ITGA1: variants seen among roughly 807,000 people sequenced by gnomAD.
The protein encoded by ITGA1 is integrin alpha-1.
ITGA1 carries 85 observed loss-of-function variants against 145.9 expected under a neutral mutation model. The ratio of observed to expected loss-of-function variants is 0.58; its 90% CI spans 0.49 to 0.70. The LOEUF is 0.70. Ranked by LOEUF, ITGA1 falls within the 30% of genes least tolerant of loss-of-function variation. The pLI is 0.00. For synonymous variants in ITGA1, 520 were observed against 495.3 expected (o/e 1.05, Z -0.66); for missense variants, 1,351 against 1,418.7 (o/e 0.95, Z 0.77).
chr5:52,862,377 C>A (rs1269864565), intron 3 of ITGA1, among the ~76,000 whole-genome samples: 1 of 152,006 alleles, frequency 6.6e-6, no homozygotes, highest in African/African-American at 2.4e-5. Flanking sequence ...AATCTATAAT[C>A]ATTTTTCTAT....
chr5:52,843,774 G>T (rs1749293371), intron 1 of ITGA1, among the ~76,000 whole-genome samples: 1 of 151,948 alleles, frequency 6.6e-6, no homozygotes, highest in South Asian at 2.1e-4. Flanking sequence ...CCTATGATTT[G>T]GCCTCATAAG....
intron 24 of ITGA1, among the ~76,000 whole-genome samples, chr5:52,938,699 A>G (rs759454530): frequency 2.7e-4 from 41 of 152,164 alleles, no homozygotes; most frequent in Non-Finnish European, 5.7e-4. Flanking sequence ...AGAACCAGCT[A>G]TCTTATAAAT....
chr5:52,801,459 C>T, intron 1 of ITGA1: 1 of 1,614,064 alleles, frequency 6.2e-7, no homozygotes, highest in South Asian at 1.1e-5. Context: ...CCCTTTGTGA[C>T]CCTACTGTGG....
chr5:52,898,574 G>C (rs1178677403), intron 11 of ITGA1, among the ~76,000 whole-genome samples, 191 bp downstream of exon 11: 2 of 152,062 alleles, frequency 1.3e-5, no homozygotes, highest in African/African-American at 4.8e-5. Context: ...ACATACATGG[G>C]GGTCCTTTTT....
chr5:52,798,278 G>A (rs373635841), intron 1 of ITGA1, among the ~76,000 whole-genome samples: 1 of 152,140 alleles, frequency 6.6e-6, no homozygotes, highest in East Asian at 1.9e-4. Context: ...GAAGAAGGAG[G>A]AAGTAAGGGG....
intron 1 of ITGA1, among the ~76,000 whole-genome samples, chr5:52,809,930 A>G (rs1339489344): frequency 1.3e-5 from 2 of 152,160 alleles, no homozygotes; most frequent in Non-Finnish European, 2.9e-5. Flanking sequence ...AGGAGATTCC[A>G]TTACCTCCTA....
At chr5:52,834,768 C>T (rs1233298574) in intron 1 of ITGA1, among the ~76,000 whole-genome samples, 1 of 151,964 alleles carries the variant, frequency 6.6e-6, no homozygotes, top group Non-Finnish European at 1.5e-5. Context: ...ATTATAAGGA[C>T]AATGGTCCTA....
intron 9 of ITGA1, 109 bp downstream of exon 9, chr5:52,893,949 T>TAC (rs1750188702): frequency 1.3e-6 from 1 of 749,976 alleles, no homozygotes; most frequent in African/African-American, 1.8e-5. Flanking sequence ...TTTTTTTTTT[T>TAC]ACTGTGTACA....
At chr5:52,814,431 G>A (rs550935010) in intron 1 of ITGA1, among the ~76,000 whole-genome samples, 4 of 152,166 alleles carry the variant, frequency 2.6e-5, no homozygotes, top group South Asian at 4.2e-4. Flanking sequence ...AGCACTGTGC[G>A]AGCCCACAAT....
intron 1 of ITGA1, among the ~76,000 whole-genome samples, chr5:52,790,101 T>C (rs1748209658): frequency 6.6e-6 from 1 of 152,224 alleles, no homozygotes; most frequent in South Asian, 2.1e-4. Flanking sequence ...TGGAAACTTC[T>C]CATCAATTCA....
rs528113859 is a variant in ITGA1 at position 52,955,889 on chromosome 5, A to G, written c.*3438A>G. 6.6e-6 allele frequency: 1 copy of G among 152,166 alleles called. No individual in the cohort carries two copies. The highest frequency in any genetic ancestry group is 1.9e-4 in the East Asian group (1 of 5,182). The allele number at this position is 152,166 out of a possible 1,614,324, so 9.4% of individuals were successfully genotyped here. On this transcript the variant is annotated 3_prime_UTR_variant, in exon 29 of 29. Coordinates refer to ENST00000282588, the MANE Select transcript of ITGA1 (RefSeq NM_181501.2). ...TGTAGTAAACAGATATTTTTACAAA[A>G]TTTGATGCTTCTGCAACCATAATAA...
chr5:52,814,932 A>G (rs1486920025), intron 1 of ITGA1, among the ~76,000 whole-genome samples: 1 of 152,150 alleles, frequency 6.6e-6, no homozygotes, highest in Non-Finnish European at 1.5e-5. Context: ...ACCTCAGGCC[A>G]CTTATATCTC....
rs749415787 is a variant in ITGA1, at chr5:52,881,966, A to G, written c.718A>G (p.Ile240Val). ...TEEVLVAAKK[I>V]VQRGGRQTMT... Reference sequence around the variant, plus strand: ...AGAGGTACTTGTTGCAGCAAAGAAAATAGTCCAGAGAGGTGGCCGCCAGAC... The same window carrying G: ...AGAGGTACTTGTTGCAGCAAAGAAAGTAGTCCAGAGAGGTGGCCGCCAGAC... The change falls in exon 7 of 29, where the codon ATA becomes GTA. Residue 240 changes from isoleucine (I) to valine (V), a missense_variant. Physicochemically the swap from Ile to Val is conservative, Grantham distance 29. Transcript: ENST00000282588. 4.3e-6 allele frequency: 7 copies of G among 1,613,996 alleles called. No homozygotes were observed. The South Asian group carries it at 7.7e-5, about 18-fold the overall frequency.
chr5:52,883,954 C>A (rs939699053), intron 7 of ITGA1, among the ~76,000 whole-genome samples: 6 of 152,084 alleles, frequency 3.9e-5, no homozygotes, highest in Non-Finnish European at 8.8e-5. Context: ...TTATGAAAGG[C>A]CTTTTAATCA....
chr5:52,933,563 C>A (rs111575943), intron 22 of ITGA1: 9,712 of 158,176 alleles, frequency 0.061, 787 homozygotes, highest in African/African-American at 0.19. Context: ...TTCAGCATTA[C>A]ATTTTAGTTT....
Position 52,939,929 on chromosome 5 carries a change from A to C in ITGA1, c.3270A>C (p.Lys1090Asn). The C allele has an allele frequency of 4.4e-6, 7 of 1,589,460 alleles. No individual in the cohort carries two copies. Among genetic ancestry groups the C allele is most frequent in the Non-Finnish European group, 6.0e-6 (7 of 1,157,598 alleles). The change falls in exon 26 of 29, where the codon AAA becomes AAC. Residue 1090 changes from lysine (K) to asparagine (N), a missense_variant. Coordinates refer to ENST00000282588, the MANE Select transcript of ITGA1 (RefSeq NM_181501.2). ...TCAATGTTTCGCTTATCTTGTGGAA[A>C]CCAACTTTTATAAAAGTAAGTAAAT... Reference protein sequence around the residue: ...SQVNVSLILWKPTFIKSYFSS... With the variant: ...SQVNVSLILWNPTFIKSYFSS...
intron 6 of ITGA1, among the ~76,000 whole-genome samples, chr5:52,868,468 G>A (rs1340476731): frequency 6.6e-6 from 1 of 152,130 alleles, no homozygotes; most frequent in South Asian, 2.1e-4. Context: ...TTTTCAGTTA[G>A]AACTATAATT....
intron 26 of ITGA1, among the ~76,000 whole-genome samples, chr5:52,940,361 G>T (rs1471599812): frequency 6.6e-6 from 1 of 151,406 alleles, no homozygotes; most frequent in African/African-American, 2.4e-5. Context: ...TTATCAGACT[G>T]TTATTATATG....
chr5:52,805,088 G>A (rs1748564017), intron 1 of ITGA1, among the ~76,000 whole-genome samples: 1 of 152,138 alleles, frequency 6.6e-6, no homozygotes, highest in Admixed American at 6.5e-5. Flanking sequence ...AGGACACAGT[G>A]GTGAAAGGGG....
Sources: gnomAD v4.1 joint callset for allele counts (sites outside exome capture counted in the v4.1 genomes callset) on GRCh38, gnomAD v4.1.1 for gene constraint, MANE v1.5 for transcripts, NCBI Gene and HGNC (gene_info 2026-07-23, HGNC 2026-07-21) for gene names.